HOXA3: variants seen among roughly 807,000 people sequenced by gnomAD.
HOXA3 encodes homeobox A3, also known as homeobox protein Hox-A3.
A neutral mutation model predicts 30.3 loss-of-function variants in HOXA3; 8 were observed. The observed-to-expected ratio is 0.26, with a 90% CI of 0.15 to 0.48. The LOEUF (loss-of-function observed/expected upper bound fraction) is 0.48. Ranked by LOEUF, HOXA3 falls within the 20% of genes least tolerant of loss-of-function variation. The pLI, the probability that HOXA3 is intolerant of heterozygous loss-of-function variation, is 0.99. For missense variants in HOXA3, 653 were observed against 614.4 expected (o/e 1.06, Z -0.66); for synonymous variants, 323 against 273.1 (o/e 1.18, Z -1.80).
chr7:27,126,256 C>T (rs1785278302), intron 3 of HOXA3, among the ~76,000 whole-genome samples: 1 of 152,092 alleles, frequency 6.6e-6, no homozygotes, highest in African/African-American at 2.4e-5. Context: ...CAGATGTTGA[C>T]AAAACTTTTG....
chr7:27,111,327 A>C (rs1784362415), intron 4 of HOXA3, among the ~76,000 whole-genome samples: 1 of 152,158 alleles, frequency 6.6e-6, no homozygotes, highest in African/African-American at 2.4e-5. Context: ...TTGCACAAAA[A>C]ATTTCAGGCA....
chr7:27,144,369 G>A (rs1228364451), intron 1 of HOXA3, among the ~76,000 whole-genome samples: 1 of 152,230 alleles, frequency 6.6e-6, no homozygotes, highest in African/African-American at 2.4e-5. Context: ...TTAAATGACA[G>A]GCGTCTATTA....
chr7:27,115,054 A>AAG (rs10699954), intron 4 of HOXA3, among the ~76,000 whole-genome samples: 137,863 of 145,504 alleles, frequency 0.95, 65,420 homozygotes, highest in East Asian at 1. Context: ...GTGTGGCAAA[A>AAG]AGAGAAATGG....
In HOXA3 at chr7:27,108,420, T is replaced by C; in HGVS notation, c.827A>G (p.Tyr276Cys). The change falls in exon 6 of 6, where the codon TAT becomes TGT. Residue 276 changes from tyrosine to cysteine, a missense_variant. Physicochemically the swap from Tyr to Cys is radical, Grantham distance 194. Around this residue, in one of 3 missense-constraint regions of HOXA3, gnomAD observed 330 missense variants for 274.4 expected, o/e 1.20. Transcript: ENST00000612286. The surrounding 1 kb of genome is among the most constrained non-coding windows in gnomAD (Gnocchi z 5.0). ...RSPVPPGAGG[Y>C]LNSMHSLVNS... ...GACCAGCGAATGCATAGAGTTCAGATAGCCACCGGCTCCGGGGGGCACGGG... is the reference window on the plus strand; with the variant it reads ...GACCAGCGAATGCATAGAGTTCAGACAGCCACCGGCTCCGGGGGGCACGGG... 6.2e-7 allele frequency: 1 copy of C among 1,612,754 alleles called. No individual in the cohort carries two copies. Among genetic ancestry groups the C allele is most frequent in the Non-Finnish European group, 8.5e-7 (1 of 1,179,362 alleles).
At position 27,146,042 on chromosome 7, in the gene HOXA3, C is replaced by G. The variant is rs987679117; in HGVS notation, c.-493-5856G>C. On this transcript the variant is annotated intron_variant, in intron 1 of 5. Transcript: ENST00000612286. ...CCCGCCTCCACTCCAGCCTCTCCCA[C>G]TATGTCTGGGGCCCAAAGCATACTG... 5.3e-6 allele frequency: 6 copies of G among 1,134,828 alleles called. No homozygotes were observed. The African/African-American group carries it at 9.4e-5, about 18-fold the overall frequency. The allele number at this position is 1,134,828 out of a possible 1,614,324, so 70.3% of individuals were successfully genotyped here. A position where few individuals can be genotyped will look rare whatever the true frequency, so the allele number is the denominator to read the frequency against.
chr7:27,107,771 G>A lies in HOXA3; in HGVS notation c.*144C>T. On this transcript the variant is annotated 3_prime_UTR_variant, in exon 6 of 6. Coordinates refer to ENST00000612286, the MANE Select transcript of HOXA3 (RefSeq NM_153631.3). ...CGCCTTACCAACGAGGGGGGAAACC[G>A]GGAAACGGAGTGCGGGGCGGAGAAG... 1.8e-6 allele frequency: 1 copy of A among 567,184 alleles called. No homozygotes were observed. Among genetic ancestry groups the A allele is most frequent in the Admixed American group, 3.4e-5 (1 of 29,126 alleles). The allele number at this position is 567,184 out of a possible 1,614,324, so 35.1% of individuals were successfully genotyped here. A position where few individuals can be genotyped will look rare whatever the true frequency, so the allele number is the denominator to read the frequency against.
At position 27,128,991 on chromosome 7, in the gene HOXA3, G is replaced by C. The variant is rs986658211; in HGVS notation, c.-389-1921C>G. ...TATCCACACCTGGCAGCCTTGTTTC[G>C]GGCCAGCAGGTTGTTCCACCAGCCA... On this transcript the variant is annotated intron_variant, in intron 2 of 5. Transcript: ENST00000612286. The C allele has an allele frequency of 6.9e-6, 4 of 580,628 alleles. No homozygotes were observed. The African/African-American group carries it at 7.5e-5, about 11-fold the overall frequency. The allele number at this position is 580,628 out of a possible 1,614,324, so 36.0% of individuals were successfully genotyped here.
chr7:27,110,129 C>T lies in HOXA3; in HGVS notation c.512G>A (p.Ser171Asn), dbSNP rs1562710971. Reference protein sequence around the residue: ...ESRQNTKQKTSSSSSGESCAG... With the variant: ...ESRQNTKQKTNSSSSGESCAG... Reference sequence around the variant, plus strand: ...CACTCCTTTACCTGAGCTGGAGCTGCTGGTTTTCTGCTTTGTGTTTTGTCG... The same window carrying T: ...CACTCCTTTACCTGAGCTGGAGCTGTTGGTTTTCTGCTTTGTGTTTTGTCG... The change falls in exon 5 of 6, where the codon AGC (serine) becomes AAC (asparagine). Residue 171 changes from serine (S) to asparagine (N), a missense_variant. Around this residue, in one of 3 missense-constraint regions of HOXA3, gnomAD observed 320 missense variants for 321.9 expected, o/e 0.99. Coordinates refer to ENST00000612286, the MANE Select transcript of HOXA3 (RefSeq NM_153631.3). 6.2e-7 allele frequency: 1 copy of T among 1,614,190 alleles called. No individual in the cohort carries two copies. Among genetic ancestry groups the T allele is most frequent in the Admixed American group, 1.7e-5 (1 of 60,034 alleles).
chr7:27,123,939 T>C (rs1356490216), intron 3 of HOXA3: 2 of 152,274 alleles, frequency 1.3e-5, no homozygotes, highest in Non-Finnish European at 2.9e-5. Context: ...CCCCCTGGTC[T>C]TGGGGCTCCT....
Position 27,110,671 on chromosome 7 carries a change from C to G in HOXA3, c.-31G>C, listed in dbSNP as rs778718196. The G allele has an allele frequency of 6.3e-7, 1 of 1,592,220 alleles. No homozygotes were observed. Among genetic ancestry groups the G allele is most frequent in the Non-Finnish European group, 8.6e-7 (1 of 1,162,676 alleles). ...TGTTTCACGATCTTGATCGCACACT[C>G]TGACAGGGGTTTGACACCCGTGAGG... On this transcript the variant is annotated 5_prime_UTR_variant, in exon 5 of 6. Coordinates refer to ENST00000612286, the MANE Select transcript of HOXA3 (RefSeq NM_153631.3).
At chr7:27,147,422 G>T in intron 1 of HOXA3, 1 of 1,614,218 alleles carries the variant, frequency 6.2e-7, no homozygotes, top group Non-Finnish European at 8.5e-7. Flanking sequence ...GGTTTGTACT[G>T]CTGCTCGGGA....
chr7:27,112,567 T>A (rs1439195176), intron 4 of HOXA3, among the ~76,000 whole-genome samples: 1 of 152,236 alleles, frequency 6.6e-6, no homozygotes, highest in African/African-American at 2.4e-5. Context: ...AAGCTACACA[T>A]ACCATGGTTG....
intron 2 of HOXA3, among the ~76,000 whole-genome samples, chr7:27,134,573 G>C (rs375328758): frequency 6.6e-6 from 1 of 152,172 alleles, no homozygotes; most frequent in Non-Finnish European, 1.5e-5. Flanking sequence ...TTGACTCATC[G>C]AGGGGTTTCA....
chr7:27,141,538 CTT>C (rs1782569677), intron 1 of HOXA3: 1 of 239,476 alleles, frequency 4.2e-6, no homozygotes, highest in South Asian at 8.8e-5. Flanking sequence ...TTTTTTTTCT[CTT>C]TTCTTTTTTT....
At chr7:27,126,678 T>TA (rs921387762) in intron 3 of HOXA3, among the ~76,000 whole-genome samples, 37 of 152,344 alleles carry the variant, frequency 2.4e-4, no homozygotes, top group African/African-American at 8.7e-4. Flanking sequence ...AATACCTTAA[T>TA]AATCAATACA....
At chr7:27,141,125 A>G (rs1415809828) in intron 1 of HOXA3, 6 of 151,218 alleles carry the variant, frequency 4.0e-5, no homozygotes, top group Non-Finnish European at 8.8e-5. Flanking sequence ...AAAAAAAAAA[A>G]AAAAAAAAAA....
At chr7:27,143,667 C>T in intron 1 of HOXA3, 2 of 1,524,864 alleles carry the variant, frequency 1.3e-6, no homozygotes, top group Non-Finnish European at 1.8e-6. Flanking sequence ...TCTATAGCAC[C>T]CTTGCACAAT....
chr7:27,142,339 T>A (rs1403666425), intron 1 of HOXA3, among the ~76,000 whole-genome samples: 1 of 152,122 alleles, frequency 6.6e-6, no homozygotes, highest in Non-Finnish European at 1.5e-5. Context: ...CCCTGGCCCC[T>A]CTCCTGCCCC....
intron 1 of HOXA3, chr7:27,142,621 C>CT: frequency 5.1e-6 from 1 of 196,968 alleles, no homozygotes; most frequent in East Asian, 1.3e-4. Flanking sequence ...CCCCAAGCCC[C>CT]TTTTCGGGGG....
Sources: gnomAD v4.1 joint callset for allele counts (sites outside exome capture counted in the v4.1 genomes callset) on GRCh38, gnomAD v4.1.1 for gene constraint, gnomAD v4.1.1 regional missense constraint, Gnocchi (gnomAD v3.1) non-coding constraint, MANE v1.5 for transcripts, NCBI Gene and HGNC (gene_info 2026-07-23, HGNC 2026-07-21) for gene names.